TIGIT: variants seen among roughly 807,000 people sequenced by gnomAD.
TIGIT encodes the protein T cell immunoreceptor with Ig and ITIM domains, also known as T-cell immunoreceptor with Ig and ITIM domains.
A neutral mutation model predicts 19.6 loss-of-function variants in TIGIT; 11 were observed. The observed-to-expected ratio is 0.56, with a 90% CI of 0.35 to 0.93. The LOEUF is 0.93. TIGIT is among the 40% of genes least tolerant of loss of function. TIGIT has a pLI of 0.01. For missense variants in TIGIT, 295 were observed against 303.9 expected, an observed-to-expected ratio of 0.97 and a Z score of 0.22; for synonymous variants, 130 against 125.5, an observed-to-expected ratio of 1.04 and a Z score of -0.24.
chr3:114,298,749 C>G (rs1188647871), intron 2 of TIGIT, among the ~76,000 whole-genome samples: 1 of 152,206 alleles, frequency 6.6e-6, no homozygotes, highest in Non-Finnish European at 1.5e-5. Context: ...TTTAGCAACC[C>G]AGACCCTTAG....
Position 114,310,077 on chromosome 3 carries a change from C to T in TIGIT, c.*1946C>T, listed in dbSNP as rs1157480110. Reference sequence around the variant, plus strand: ...TCCTGGAGACATGCGCTATCCACCACGTAGCCACTTTCCACATGTGGCCAT... The same window carrying T: ...TCCTGGAGACATGCGCTATCCACCATGTAGCCACTTTCCACATGTGGCCAT... On this transcript the variant is annotated 3_prime_UTR_variant, in exon 4 of 4. Transcript: ENST00000383671. 4 of 152,144 alleles carry T rather than the reference C, an allele frequency of 2.6e-5. No homozygotes were observed. Among genetic ancestry groups the T allele is most frequent in the Non-Finnish European group, 4.4e-5 (3 of 68,028 alleles). The allele number at this position is 152,144 out of a possible 1,614,324, so 9.4% of individuals were successfully genotyped here. A position where few individuals can be genotyped will look rare whatever the true frequency, so the allele number is the denominator to read the frequency against.
chr3:114,294,856 A>C (rs1415242248), intron 1 of TIGIT: 1 of 152,264 alleles, frequency 6.6e-6, no homozygotes, highest in Non-Finnish European at 1.5e-5. Context: ...GCAAGGTTTT[A>C]TTTCAAAGGA....
chr3:114,304,726 G>A lies in TIGIT; in HGVS notation c.499-3169G>A, dbSNP rs113153708. Among the ~76,000 whole-genome samples the A allele has an allele frequency of 6.1e-3, 922 of 152,312 alleles. 16 individuals carry two copies. The highest frequency in any genetic ancestry group is 0.022 in the African/African-American group (895 of 41,558). On this transcript the variant is annotated intron_variant, in intron 3 of 3. Coordinates refer to ENST00000383671, the MANE Select transcript of TIGIT (RefSeq NM_173799.4). Reference sequence around the variant, plus strand: ...AATTACGGGCCTGATGGACAGTAGGGGAGGCAGAGGCAGGGCCCAGCAGGG... The same window carrying A: ...AATTACGGGCCTGATGGACAGTAGGAGAGGCAGAGGCAGGGCCCAGCAGGG...
Position 114,308,817 on chromosome 3 carries a change from C to T in TIGIT, c.*686C>T, listed in dbSNP as rs2078552869. 1 of 152,268 alleles carries T rather than the reference C, an allele frequency of 6.6e-6. No homozygotes were observed. Among genetic ancestry groups the T allele is most frequent in the African/African-American group, 2.4e-5 (1 of 41,432 alleles). 9.4% of individuals were successfully genotyped at this position (152,268 alleles called of 1,614,324 possible). On this transcript the variant is annotated 3_prime_UTR_variant, in exon 4 of 4. Transcript: ENST00000383671. ...GCACCAAGGGGATGTTGAGGCTAGT[C>T]TGGGAGGAGCAGGAGTTTTGTCTAG...
chr3:114,295,533 C>A lies in TIGIT; in HGVS notation c.62-12C>A, dbSNP rs770552320. On this transcript the variant is annotated splice_polypyrimidine_tract_variant and intron_variant, in intron 1 of 3. Transcript: ENST00000383671. ...GACCCAGGACTCACATGTGCTTCGT[C>A]CTCTTCCCTAGGAATGATGACAGGC... 1.3e-5 allele frequency: 21 copies of A among 1,606,010 alleles called. No individual in the cohort carries two copies. Among genetic ancestry groups the A allele is most frequent in the Non-Finnish European group, 1.4e-5 (16 of 1,175,316 alleles).
chr3:114,295,352 A>T (rs2078446343), intron 1 of TIGIT, among the ~76,000 whole-genome samples, 193 bp from the exon 2 acceptor site: 2 of 152,182 alleles, frequency 1.3e-5, no homozygotes, highest in Admixed American at 6.5e-5. Context: ...AATAACAGGC[A>T]TGGAGAGGAG....
At chr3:114,306,285 A>G (rs2078534371) in intron 3 of TIGIT, among the ~76,000 whole-genome samples, 1 of 152,144 alleles carries the variant, frequency 6.6e-6, no homozygotes, top group African/African-American at 2.4e-5. Flanking sequence ...AGTGTATCTT[A>G]CCTACTCACT....
chr3:114,302,271 A>G (rs1001205010), intron 3 of TIGIT, among the ~76,000 whole-genome samples: 1 of 152,250 alleles, frequency 6.6e-6, no homozygotes, highest in African/African-American at 2.4e-5. Context: ...CATTTAGTAC[A>G]GTCTTCATAG....
intron 3 of TIGIT, among the ~76,000 whole-genome samples, chr3:114,306,156 C>G (rs1025409692): frequency 3.3e-5 from 5 of 152,064 alleles, no homozygotes; most frequent in African/African-American, 9.7e-5. Flanking sequence ...TCCTGATGTC[C>G]AAGGACAGGA....
At chr3:114,303,815 C>T (rs2078513162) in intron 3 of TIGIT, among the ~76,000 whole-genome samples, 1 of 151,932 alleles carries the variant, frequency 6.6e-6, no homozygotes. Context: ...CATAGTTCTA[C>T]TTTTAGTTCC....
At chr3:114,307,706 A>T (rs7639194) in intron 3 of TIGIT, 189 bp from the exon 4 acceptor site, 3 of 596,134 alleles carry the variant, frequency 5.0e-6, no homozygotes, top group Non-Finnish European at 8.9e-6. Flanking sequence ...TGCAGTTTCC[A>T]TGGACTAGTT....
intron 3 of TIGIT, among the ~76,000 whole-genome samples, chr3:114,303,553 A>G (rs1242656909): frequency 1.2e-3 from 9 of 7,756 alleles, no homozygotes; most frequent in Non-Finnish European, 3.1e-3. Context: ...ATATATATGT[A>G]TATATATATA....
chr3:114,295,969 G>T, intron 2 of TIGIT, 95 bp downstream of exon 2: 1 of 1,019,558 alleles, frequency 9.8e-7, no homozygotes, highest in Non-Finnish European at 1.4e-6. Flanking sequence ...CTCAATTCGG[G>T]ATCACATTTG....
rs1158629599 is a variant in TIGIT, at chr3:114,299,683, GTGGTCGCGT to G, written c.481_489del (p.Val161_Leu163del). 1.9e-6 allele frequency: 3 copies of G among 1,611,986 alleles called. No individual in the cohort carries two copies. Among genetic ancestry groups the G allele is most frequent in the Non-Finnish European group, 2.5e-6 (3 of 1,179,364 alleles). ...GGTCATCTGCACAGCAGTCATCGTGGTGGTCGCGTTGACTAGAAAGGTAATGGCTCCGGC... is the reference window on the plus strand; with the variant it reads ...GGTCATCTGCACAGCAGTCATCGTGGTGACTAGAAAGGTAATGGCTCCGGC... On this transcript the variant is annotated inframe_deletion, in exon 3 of 4. Transcript: ENST00000383671.
intron 3 of TIGIT, among the ~76,000 whole-genome samples, chr3:114,300,252 T>A (rs2078483990): frequency 6.6e-6 from 1 of 152,018 alleles, no homozygotes; most frequent in African/African-American, 2.4e-5. Flanking sequence ...GCTATCACAA[T>A]AGACATAATT....
chr3:114,300,824 C>T (rs2078487740), intron 3 of TIGIT, among the ~76,000 whole-genome samples: 1 of 152,076 alleles, frequency 6.6e-6, no homozygotes, highest in African/African-American at 2.4e-5. Flanking sequence ...TAACCCACTC[C>T]TGAGATAATG....
intron 2 of TIGIT, among the ~76,000 whole-genome samples, chr3:114,297,743 C>T (rs906313712): frequency 6.6e-6 from 1 of 152,160 alleles, no homozygotes; most frequent in Non-Finnish European, 1.5e-5. Context: ...CCAGCCTGAA[C>T]CTGGGGAAAT....
intron 3 of TIGIT, among the ~76,000 whole-genome samples, chr3:114,303,482 T>C (rs891872347): frequency 6.8e-6 from 1 of 146,458 alleles, no homozygotes; most frequent in African/African-American, 2.5e-5. Flanking sequence ...CTGAGTAGTA[T>C]TCCATGGTGT....
chr3:114,299,722 CACCGCAG>C lies in TIGIT; in HGVS notation c.498+20_498+26del. The C allele has an allele frequency of 1.3e-6, 2 of 1,556,536 alleles. No individual in the cohort carries two copies. Among genetic ancestry groups the C allele is most frequent in the Non-Finnish European group, 1.8e-6 (2 of 1,131,812 alleles). On this transcript the variant is annotated intron_variant, in intron 3 of 3. Transcript: ENST00000383671. ...TAGAAAGGTAATGGCTCCGGCTGCA[CACCGCAG>C]TCATGGGCACCCCCACGTCTGGCAC...
Sources: allele counts gnomAD v4.1 joint callset (sites outside exome capture counted in the v4.1 genomes callset), GRCh38; gene constraint gnomAD v4.1.1; transcripts MANE v1.5; gene names NCBI Gene and HGNC (gene_info 2026-07-23, HGNC 2026-07-21).